JARID2: variants seen among roughly 807,000 people sequenced by gnomAD.
JARID2 encodes protein Jumonji.
Under a neutral mutation model 125.6 loss-of-function variants are expected in JARID2, and 21 were observed. The ratio of observed to expected loss-of-function variants is 0.17; its 90% CI spans 0.12 to 0.24. JARID2 has a LOEUF of 0.24. Ranked by LOEUF, JARID2 falls within the 10% of genes least tolerant of loss-of-function variation. JARID2 has a pLI of 1.00. For synonymous variants in JARID2, 736 were observed against 661.6 expected (o/e 1.11, Z -1.73); for missense variants, 1,303 against 1,639.6 (o/e 0.79, Z 3.55).
intron 3 of JARID2, among the ~76,000 whole-genome samples, chr6:15,434,094 G>C (rs7767966): frequency 2.6e-5 from 4 of 151,902 alleles, no homozygotes; most frequent in African/African-American, 9.7e-5. Context: ...GTAAAACACA[G>C]GTACCTCCGT....
At chr6:15,285,782 G>T (rs1411095073) in intron 1 of JARID2, among the ~76,000 whole-genome samples, 1 of 152,114 alleles carries the variant, frequency 6.6e-6, no homozygotes, top group East Asian at 1.9e-4. Context: ...TTCTAGCCAT[G>T]CATCCTTTTA....
At chr6:15,499,995 A>G (rs532655763) in intron 7 of JARID2, among the ~76,000 whole-genome samples, 1 of 152,216 alleles carries the variant, frequency 6.6e-6, no homozygotes, top group South Asian at 2.1e-4. Context: ...TAAAAACAAT[A>G]TATCCCCACA....
chr6:15,308,541 GT>G (rs1487970695), intron 1 of JARID2, among the ~76,000 whole-genome samples: 1 of 152,174 alleles, frequency 6.6e-6, no homozygotes, highest in East Asian at 1.9e-4. Context: ...AGAGAGTCCT[GT>G]TTTCTCCCCT....
rs1170451583 is a variant in JARID2, at chr6:15,277,793, AAC to A, written c.45+31211_45+31212del. ...GCCAAGTCTGCAAAAAAAAAAAAAAAACAGTCAAGGATTCCATGTAGTTGCAA... is the reference window on the plus strand; with the variant it reads ...GCCAAGTCTGCAAAAAAAAAAAAAAAAGTCAAGGATTCCATGTAGTTGCAA... On this transcript the variant is annotated intron_variant, in intron 1 of 17. Transcript: ENST00000341776. Among the ~76,000 whole-genome samples, 569 of 73,090 alleles carry A rather than the reference AAC, an allele frequency of 7.8e-3. 7 individuals carry two copies. The highest frequency in any genetic ancestry group is 0.024 in the East Asian group (32 of 1,340). The allele number at this position is 73,090 out of a possible 152,430, so 47.9% of individuals were successfully genotyped here. A position where few individuals can be genotyped will look rare whatever the true frequency, so the allele number is the denominator to read the frequency against.
intron 2 of JARID2, among the ~76,000 whole-genome samples, chr6:15,407,963 T>C (rs1334137303): frequency 6.6e-6 from 1 of 152,176 alleles, no homozygotes; most frequent in African/African-American, 2.4e-5. Flanking sequence ...CCTTGTGCTA[T>C]TGAAAAAAGG....
At chr6:15,438,599 G>A (rs941603394) in intron 3 of JARID2, among the ~76,000 whole-genome samples, 3 of 152,120 alleles carry the variant, frequency 2.0e-5, no homozygotes, top group African/African-American at 7.2e-5. Flanking sequence ...GGCAGCCCCC[G>A]CTTTAAAGAT....
Position 15,507,999 on chromosome 6 carries a change from GT to G in JARID2, c.2732-336del, listed in dbSNP as rs532815184. ...CTTTCTGCCTCTGGCCCTGATGGGG[GT>G]TTTTGGGTTTGGCGCCTCTGGTCCT... On this transcript the variant is annotated intron_variant, in intron 11 of 17. Coordinates refer to ENST00000341776, the MANE Select transcript of JARID2 (RefSeq NM_004973.4). Among the ~76,000 whole-genome samples the G allele has an allele frequency of 1.7e-3, 260 of 152,360 alleles. 2 individuals are homozygous for G. Among genetic ancestry groups the G allele is most frequent in the Admixed American group, 0.013 (196 of 15,306 alleles).
chr6:15,385,224 G>C (rs1764739781), intron 2 of JARID2, among the ~76,000 whole-genome samples: 1 of 152,044 alleles, frequency 6.6e-6, no homozygotes, highest in Admixed American at 6.6e-5. Flanking sequence ...TTTAGCTCTA[G>C]CTGATCCTTC....
chr6:15,470,445 G>A (rs1036399236), intron 5 of JARID2, among the ~76,000 whole-genome samples: 4 of 152,162 alleles, frequency 2.6e-5, no homozygotes, highest in African/African-American at 4.8e-5. Context: ...TGGATTCACC[G>A]GGAAATAGAG....
chr6:15,283,441 T>TTAC (rs1561768572), intron 1 of JARID2, among the ~76,000 whole-genome samples: 2 of 148,784 alleles, frequency 1.3e-5, no homozygotes, highest in African/African-American at 5.0e-5. Context: ...CCTGGGTTCA[T>TTAC]GCCATTCTCC....
intron 1 of JARID2, among the ~76,000 whole-genome samples, chr6:15,249,174 G>C (rs1255064069): frequency 1.3e-5 from 2 of 152,242 alleles, no homozygotes. Context: ...AAGTATTCAG[G>C]GAAAGCTGTG....
intron 3 of JARID2, 105 bp downstream of exon 3, chr6:15,410,470 G>C: frequency 9.2e-7 from 1 of 1,091,128 alleles, no homozygotes; most frequent in Non-Finnish European, 1.3e-6. Flanking sequence ...CCAATCTCTT[G>C]ATTTTCATAG....
At chr6:15,266,665 T>C (rs961062316) in intron 1 of JARID2, among the ~76,000 whole-genome samples, 1 of 152,182 alleles carries the variant, frequency 6.6e-6, no homozygotes, top group African/African-American at 2.4e-5. Flanking sequence ...ACATTTTCTT[T>C]TGGTAGCTTG....
At chr6:15,325,052 T>G (rs1439737042) in intron 1 of JARID2, among the ~76,000 whole-genome samples, 1 of 152,130 alleles carries the variant, frequency 6.6e-6, no homozygotes, top group Non-Finnish European at 1.5e-5. Context: ...TTCTTTTTTT[T>G]TCTTTAATGA....
At chr6:15,490,831 A>T (rs1181856151) in intron 6 of JARID2, among the ~76,000 whole-genome samples, 1 of 152,216 alleles carries the variant, frequency 6.6e-6, no homozygotes, top group Non-Finnish European at 1.5e-5. Flanking sequence ...GAGAGTCATG[A>T]GCAGGTTTTG....
chr6:15,481,245 T>C (rs1048500620), intron 5 of JARID2, among the ~76,000 whole-genome samples: 4 of 152,252 alleles, frequency 2.6e-5, no homozygotes, highest in African/African-American at 9.6e-5. Context: ...TCAATATATT[T>C]GTCTCTGTTC....
intron 1 of JARID2, among the ~76,000 whole-genome samples, chr6:15,254,259 A>C (rs757109664): frequency 6.6e-6 from 1 of 152,144 alleles, no homozygotes; most frequent in Non-Finnish European, 1.5e-5. Context: ...CCCCCACCAC[A>C]TTCTTGGGTG....
At chr6:15,378,198 A>ATT (rs66993753) in intron 2 of JARID2, among the ~76,000 whole-genome samples, 14,076 of 140,878 alleles carry the variant, frequency 0.1, 743 homozygotes, top group East Asian at 0.17. Flanking sequence ...TCAATTTTTA[A>ATT]TTTTTTTTTT....
At chr6:15,449,329 A>G (rs1770599699) in intron 3 of JARID2, among the ~76,000 whole-genome samples, 1 of 152,146 alleles carries the variant, frequency 6.6e-6, no homozygotes. Flanking sequence ...TGACTGTTTC[A>G]TATCAGTTAT....
Sources: gnomAD v4.1 joint callset for allele counts (sites outside exome capture counted in the v4.1 genomes callset) on GRCh38, gnomAD v4.1.1 for gene constraint, MANE v1.5 for transcripts, NCBI Gene and HGNC (gene_info 2026-07-23, HGNC 2026-07-21) for gene names.